C5: variants seen among roughly 807,000 people sequenced by gnomAD.
C5 encodes complement C5.
In C5, 140 loss-of-function variants were observed where a neutral mutation model predicts 218.8. The ratio of observed to expected loss-of-function variants is 0.64; its 90% CI spans 0.56 to 0.74. The LOEUF (loss-of-function observed/expected upper bound fraction) is 0.74. Ranked by LOEUF, C5 falls within the 30% of genes least tolerant of loss-of-function variation. C5 has a pLI of 0.00. For synonymous variants in C5, 614 were observed against 682.3 expected, an observed-to-expected ratio of 0.90 and a Z score of 1.56; for missense variants, 1,700 against 1,969.6, an observed-to-expected ratio of 0.86 and a Z score of 2.59.
chr9:121,037,933 G>A lies in C5; in HGVS notation c.440C>T (p.Ser147Leu), dbSNP rs544818019. The change falls in exon 4 of 41, where the codon TCG becomes TTG. Residue 147 changes from serine (S) to leucine (L), a missense_variant. Transcript: ENST00000223642. ...PDQSVKVRVY[S>L]LNDDLKPAKR... is the part of the protein sequence containing the mutation. ...GGCTGGCTTCAAGTCGTCATTCAAC[G>A]AATAAACTCTAACTTTTACTGTAAG... 7.3e-6 allele frequency: 11 copies of A among 1,514,668 alleles called. No individual in the cohort carries two copies. The highest frequency in any genetic ancestry group is 3.6e-5 in the South Asian group (3 of 82,424). The allele number at this position is 1,514,668 out of a possible 1,614,324, so 93.8% of individuals were successfully genotyped here. A position where few individuals can be genotyped will look rare whatever the true frequency, so the allele number is the denominator to read the frequency against.
intron 25 of C5, among the ~76,000 whole-genome samples, chr9:120,985,925 C>G (rs1183532643): frequency 6.6e-6 from 1 of 152,172 alleles, no homozygotes; most frequent in Non-Finnish European, 1.5e-5. Flanking sequence ...AATCTACAAA[C>G]CTGTTTCAGT....
chr9:121,026,552 C>T (rs1307102115), intron 8 of C5, among the ~76,000 whole-genome samples: 2 of 152,090 alleles, frequency 1.3e-5, no homozygotes, highest in Non-Finnish European at 2.9e-5. Flanking sequence ...GGGGCCTGCC[C>T]TGTGCATGGT....
chr9:121,014,138 C>CCCTTGAGAT, intron 16 of C5, 68 bp from the exon 17 acceptor site: 1 of 1,377,988 alleles, frequency 7.3e-7, no homozygotes, highest in Non-Finnish European at 1.0e-6. Context: ...TAGAAGGAAT[C>CCCTTGAGAT]TCAAGGGATA....
At chr9:121,029,658 C>T (rs7031128) in intron 7 of C5, among the ~76,000 whole-genome samples, 1 of 151,980 alleles carries the variant, frequency 6.6e-6, no homozygotes, top group Admixed American at 6.5e-5. Flanking sequence ...TGCACAGTTC[C>T]TTGTGTCCAC....
intron 26 of C5, 26 bp from the exon 27 acceptor site, chr9:120,981,965 G>C (rs766032413): frequency 3.3e-6 from 5 of 1,516,336 alleles, no homozygotes; most frequent in Non-Finnish European, 4.6e-6. Context: ...GTTTTAAAAG[G>C]GGAGTGAAAT....
chr9:120,962,940 T>G lies in C5; in HGVS notation c.4351A>C (p.Thr1451Pro), dbSNP rs761105830. 3.1e-6 allele frequency: 5 copies of G among 1,613,884 alleles called. No individual in the cohort carries two copies. Among genetic ancestry groups the G allele is most frequent in the Non-Finnish European group, 4.2e-6 (5 of 1,179,894 alleles). The change falls in exon 35 of 41, where the codon ACT (threonine) becomes CCT (proline). Residue 1451 changes from threonine (T) to proline (P), a missense_variant. Transcript: ENST00000223642. ...TGTCCATCTTTGATTTGGTAATCAG[T>G]GAATAGTTGATCCACCCCTTCCACA... ...ALVEGVDQLF[T>P]DYQIKDGHVI...
At chr9:121,038,744 A>T (rs2047551893) in intron 3 of C5, among the ~76,000 whole-genome samples, 1 of 152,186 alleles carries the variant, frequency 6.6e-6, no homozygotes, top group Non-Finnish European at 1.5e-5. Flanking sequence ...ATAAAATAGA[A>T]CTGGCACCAT....
chr9:120,998,319 C>G (rs2131724978), intron 20 of C5, among the ~76,000 whole-genome samples: 1 of 152,338 alleles, frequency 6.6e-6, no homozygotes, highest in East Asian at 1.9e-4. Flanking sequence ...AAACATCTTA[C>G]CTTTCTTAGA....
Position 120,982,688 on chromosome 9 carries a change from C to T in C5, c.3357G>A (p.Lys1119=), listed in dbSNP as rs1169363016. Residue 1119 remains lysine, a synonymous_variant, in exon 26 of 41, where the codon AAG becomes AAA. Coordinates refer to ENST00000223642, the MANE Select transcript of C5 (RefSeq NM_001735.3). ...ENYQLDNGSF[K]ENSQYQPIKL... is the part of the protein sequence containing the mutation. ...TTATTGGTTGATACTGTGAATTTTC[C>T]TTGAAAGATCCATTATCTAATTGAT... 13 of 1,608,294 alleles carry T rather than the reference C, an allele frequency of 8.1e-6. No individual in the cohort carries two copies. The highest frequency in any genetic ancestry group is 1.1e-5 in the Non-Finnish European group (13 of 1,175,588).
chr9:120,969,125 C>T lies in C5; in HGVS notation c.4163-7G>A. 6.2e-7 allele frequency: 1 copy of T among 1,613,030 alleles called. No individual in the cohort carries two copies. The highest frequency in any genetic ancestry group is 8.5e-7 in the Non-Finnish European group (1 of 1,179,034). On this transcript the variant is annotated splice_region_variant and splice_polypyrimidine_tract_variant and intron_variant, in intron 32 of 40. Transcript: ENST00000223642. ...TAGCCTCTGTAGTGGGATGCTGGCA[C>T]ATAAGACAAGAAAACAAACAGACAA...
rs1225869788 is a variant in C5, at chr9:120,971,950, T to A, written c.4060A>T (p.Ser1354Cys). 1 of 1,613,122 alleles carries A rather than the reference T, an allele frequency of 6.2e-7. No individual in the cohort carries two copies. Among genetic ancestry groups the A allele is most frequent in the Admixed American group, 1.7e-5 (1 of 60,010 alleles). The change falls in exon 31 of 41, where the codon AGT becomes TGT. Residue 1354 changes from serine to cysteine, a missense_variant. By Grantham distance (112) the Ser-to-Cys change is moderately radical (BLOSUM62 -1). Transcript: ENST00000223642. The part of the protein sequence containing the change: ...DDLIVSTGFG[S>C]GLATVHVTTV... The stretch of plus-strand genomic sequence containing the variant: ...CTTACATGTACTGTAGCCAAGCCAC[T>A]GCCAAATCCTGTACTGACAATGAGG...
intron 33 of C5, among the ~76,000 whole-genome samples, chr9:120,964,667 A>G (rs1212930644): frequency 6.6e-6 from 1 of 152,214 alleles, no homozygotes; most frequent in African/African-American, 2.4e-5. Flanking sequence ...CGGAAATGCA[A>G]AAAGGGCACA....
intron 22 of C5, among the ~76,000 whole-genome samples, chr9:120,992,031 C>T (rs957836713): frequency 1.3e-5 from 2 of 152,176 alleles, no homozygotes; most frequent in Non-Finnish European, 2.9e-5. Context: ...TGCTGCAGAG[C>T]CCACACTAGT....
chr9:121,009,602 C>T (rs1390543828), intron 17 of C5, among the ~76,000 whole-genome samples: 2 of 152,170 alleles, frequency 1.3e-5, no homozygotes, highest in Admixed American at 6.5e-5. Context: ...AGCAAGATGG[C>T]TGAATAGAAG....
rs41312883 is a variant in C5, at chr9:120,968,960, A to G, written c.4220+101T>C. 3.3e-4 allele frequency: 305 copies of G among 936,522 alleles called. 1 individual carries two copies. Among genetic ancestry groups the G allele is most frequent in the African/African-American group, 1.7e-3 (106 of 61,386 alleles). The allele number at this position is 936,522 out of a possible 1,614,324, so 58.0% of individuals were successfully genotyped here. On this transcript the variant is annotated intron_variant, in intron 33 of 40. Transcript: ENST00000223642. ...TTTTTAAACAATTGAACAATTTTGT[A>G]TCTTCTGGACATACCAAAATTTGAA...
chr9:121,018,674 G>T, intron 12 of C5, among the ~76,000 whole-genome samples: 1 of 44,618 alleles, frequency 2.2e-5, no homozygotes, highest in East Asian at 1.2e-3. Flanking sequence ...AAGGAAGGAA[G>T]GAAAGAAGGG....
the C5 span, among the ~76,000 whole-genome samples, chr9:121,069,681 G>C: frequency 2.9e-4 from 44 of 151,908 alleles, no homozygotes; most frequent in African/African-American, 1.0e-3. Flanking sequence ...CCCAGCTAAT[G>C]GTTTTGATTT....
intron 38 of C5, among the ~76,000 whole-genome samples, chr9:120,959,323 A>C (rs1457119613): frequency 6.7e-6 from 1 of 150,262 alleles, no homozygotes; most frequent in Non-Finnish European, 1.5e-5. Context: ...CAGTAGCACG[A>C]TCTTGGCTCA....
intron 20 of C5, among the ~76,000 whole-genome samples, chr9:121,005,094 TA>T (rs750444784): frequency 1.3e-5 from 2 of 152,270 alleles, no homozygotes; most frequent in East Asian, 1.9e-4. Flanking sequence ...GTTAGTGTTT[TA>T]AAAAAATATA....
Sources: allele counts gnomAD v4.1 joint callset (sites outside exome capture counted in the v4.1 genomes callset), GRCh38; gene constraint gnomAD v4.1.1; transcripts MANE v1.5; gene names NCBI Gene and HGNC (gene_info 2026-07-23, HGNC 2026-07-21).